Variants in IQCM observed in about 807,000 individuals in gnomAD.
IQCM encodes the protein IQ domain-containing protein M.
A neutral mutation model predicts 57.6 loss-of-function variants in IQCM; 45 were observed. The ratio of observed to expected loss-of-function variants is 0.78; its 90% CI spans 0.62 to 1.00. The LOEUF is 1.00. IQCM is among the 50% of genes least tolerant of loss of function. IQCM has a pLI of 0.00. For synonymous variants in IQCM, 148 were observed against 158.9 expected (o/e 0.93, Z 0.51); for missense variants, 468 against 511.6 (o/e 0.91, Z 0.82).
At chr4:149,704,822 A>T (rs1166779568) in intron 5 of IQCM, among the ~76,000 whole-genome samples, 1 of 151,912 alleles carries the variant, frequency 6.6e-6, no homozygotes, top group Non-Finnish European at 1.5e-5. Flanking sequence ...AAGAAGATCC[A>T]TCCTCATGAA....
In IQCM at chr4:149,690,483, T is replaced by TG. The variant is rs543277287; in HGVS notation, c.386-4016dup. On this transcript the variant is annotated intron_variant, in intron 5 of 13. Transcript: ENST00000636793. Reference sequence around the variant, plus strand: ...CAAATAGGGTGCAGCATGTACTGCTTGGGTGATGGGTGCACCAAAATCTCA... The same window carrying TG: ...CAAATAGGGTGCAGCATGTACTGCTTGGGGTGATGGGTGCACCAAAATCTCA... Among the ~76,000 whole-genome samples the TG allele has an allele frequency of 5.4e-4, 82 of 152,174 alleles. 1 individual carries two copies. In the South Asian group the frequency reaches 0.015, roughly 28 times the overall value.
intron 5 of IQCM, among the ~76,000 whole-genome samples, chr4:149,726,688 C>G (rs548528067): frequency 6.6e-6 from 1 of 151,974 alleles, no homozygotes; most frequent in South Asian, 2.1e-4. Flanking sequence ...TGTGGCTAGT[C>G]CAATTTAAGC....
At chr4:149,682,062 A>T in intron 7 of IQCM, 56 bp downstream of exon 7, 1 of 642,980 alleles carries the variant, frequency 1.6e-6, no homozygotes, top group Non-Finnish European at 2.2e-6. Flanking sequence ...CATTTAAATG[A>T]ATGCAAAATA....
intron 2 of IQCM, among the ~76,000 whole-genome samples, chr4:149,761,116 G>T (rs114895955): frequency 0.013 from 1,906 of 152,050 alleles, 16 homozygotes; most frequent in South Asian, 0.018. Flanking sequence ...TGATACATAC[G>T]CCAGCACGTG....
At chr4:149,752,031 AAG>A (rs1768497419) in intron 2 of IQCM, among the ~76,000 whole-genome samples, 1 of 152,194 alleles carries the variant, frequency 6.6e-6, no homozygotes, top group Admixed American at 6.5e-5. Flanking sequence ...AAACAGAAGA[AAG>A]AGAAAGGATA....
intron 5 of IQCM, among the ~76,000 whole-genome samples, chr4:149,706,797 G>C (rs914645230): frequency 4.6e-5 from 7 of 151,922 alleles, no homozygotes; most frequent in African/African-American, 1.4e-4. Flanking sequence ...CTGTGACCTT[G>C]AGTGGAAATT....
At chr4:149,565,485 T>C (rs1750535085) in intron 9 of IQCM, among the ~76,000 whole-genome samples, 1 of 152,212 alleles carries the variant, frequency 6.6e-6, no homozygotes, top group East Asian at 1.9e-4. Context: ...AAGCTTGTAC[T>C]ATCTCCTGAT....
At chr4:149,689,137 T>C (rs1054620309) in intron 5 of IQCM, among the ~76,000 whole-genome samples, 1 of 152,006 alleles carries the variant, frequency 6.6e-6, no homozygotes, top group Admixed American at 6.6e-5. Flanking sequence ...CTGTTCACAA[T>C]AGCAAAGACT....
intron 12 of IQCM, among the ~76,000 whole-genome samples, chr4:149,541,178 T>G (rs1747813807): frequency 6.6e-6 from 1 of 152,160 alleles, no homozygotes; most frequent in Admixed American, 6.6e-5. Context: ...CATTGTTGGT[T>G]TGTGGTGGAC....
intron 5 of IQCM, among the ~76,000 whole-genome samples, chr4:149,729,798 C>T (rs991251720): frequency 9.9e-5 from 15 of 152,040 alleles, no homozygotes; most frequent in Non-Finnish European, 2.2e-4. Context: ...TCTGAGATAA[C>T]GGGCTGTGTG....
At chr4:149,474,721 T>C (rs1739992497) in intron 12 of IQCM, among the ~76,000 whole-genome samples, 1 of 151,182 alleles carries the variant, frequency 6.6e-6, no homozygotes, top group Non-Finnish European at 1.5e-5. Context: ...GTCTCAAAAA[T>C]AAATAAATAA....
chr4:149,629,333 C>A (rs1181530291), intron 7 of IQCM, among the ~76,000 whole-genome samples: 3 of 152,124 alleles, frequency 2.0e-5, no homozygotes, highest in African/African-American at 7.2e-5. Flanking sequence ...GAAACAATAA[C>A]CAGTTTGTTC....
chr4:149,518,092 C>T (rs374912418), intron 12 of IQCM, among the ~76,000 whole-genome samples: 21 of 152,226 alleles, frequency 1.4e-4, no homozygotes, highest in Middle Eastern at 6.8e-3. Context: ...CTACTAATAA[C>T]CCATTGACCA....
intron 7 of IQCM, among the ~76,000 whole-genome samples, chr4:149,667,303 C>T (rs1193387741): frequency 6.6e-6 from 1 of 152,126 alleles, no homozygotes; most frequent in Non-Finnish European, 1.5e-5. Context: ...AGGAGTGGAC[C>T]TCCAGCAAAC....
At chr4:149,525,621 A>T (rs1746083962) in intron 12 of IQCM, among the ~76,000 whole-genome samples, 2 of 151,942 alleles carry the variant, frequency 1.3e-5, no homozygotes, top group African/African-American at 4.8e-5. Flanking sequence ...ACCTTCAGAT[A>T]TAAGTTCCAG....
At chr4:149,806,162 A>C (rs1454421563) in intron 2 of IQCM, among the ~76,000 whole-genome samples, 3 of 151,704 alleles carry the variant, frequency 2.0e-5, no homozygotes, top group Non-Finnish European at 4.4e-5. Context: ...TTTTTGTAAA[A>C]AGCTGTTAAT....
At chr4:149,476,205 A>G (rs1037950640) in intron 12 of IQCM, among the ~76,000 whole-genome samples, 2 of 152,164 alleles carry the variant, frequency 1.3e-5, no homozygotes, top group East Asian at 3.9e-4. Flanking sequence ...TGGCACATCT[A>G]TGGCAGCAAG....
chr4:149,435,704 T>C (rs1735296951), intron 12 of IQCM, among the ~76,000 whole-genome samples: 1 of 151,868 alleles, frequency 6.6e-6, no homozygotes, highest in Non-Finnish European at 1.5e-5. Flanking sequence ...TGGGACAAGA[T>C]GTGGAGGAGA....
intron 5 of IQCM, among the ~76,000 whole-genome samples, chr4:149,693,126 T>C (rs1389214071): frequency 6.6e-6 from 1 of 152,180 alleles, no homozygotes; most frequent in Non-Finnish European, 1.5e-5. Flanking sequence ...CAATCATTTG[T>C]TCATCTGAAA....
Sources: allele counts gnomAD v4.1 joint callset (sites outside exome capture counted in the v4.1 genomes callset), GRCh38; gene constraint gnomAD v4.1.1; transcripts MANE v1.5; gene names NCBI Gene and HGNC (gene_info 2026-07-23, HGNC 2026-07-21).